LYPLA1: variants seen among roughly 807,000 people sequenced by gnomAD.
The protein encoded by LYPLA1 is lysophospholipase 1.
Under a neutral mutation model 34.0 loss-of-function variants are expected in LYPLA1, and 17 were observed. The observed-to-expected ratio is 0.50, with a 90% CI of 0.34 to 0.75. The LOEUF is 0.75. Ranked by LOEUF, LYPLA1 falls within the 30% of genes least tolerant of loss-of-function variation. LYPLA1 has a pLI of 0.01. For missense variants in LYPLA1, 203 were observed against 288.8 expected, an observed-to-expected ratio of 0.70 and a Z score of 2.15; for synonymous variants, 98 against 100.8, an observed-to-expected ratio of 0.97 and a Z score of 0.17.
chr8:54,076,414 GTA>G (rs1807909028), intron 2 of LYPLA1, among the ~76,000 whole-genome samples: 3 of 152,186 alleles, frequency 2.0e-5, no homozygotes, highest in Admixed American at 6.5e-5. Context: ...ATTTGTCTTT[GTA>G]TAGTCTGCAG....
At chr8:54,088,604 C>G (rs1469156153) in intron 2 of LYPLA1, among the ~76,000 whole-genome samples, 1 of 152,182 alleles carries the variant, frequency 6.6e-6, no homozygotes, top group Non-Finnish European at 1.5e-5. Context: ...AGCAATTTGA[C>G]TCCCAAGTAT....
intron 7 of LYPLA1, among the ~76,000 whole-genome samples, chr8:54,051,562 C>T (rs930099021): frequency 1.1e-4 from 16 of 152,038 alleles, no homozygotes; most frequent in African/African-American, 3.9e-4. Context: ...ATTCTCCTGC[C>T]TCAGCCTCCC....
intron 5 of LYPLA1, among the ~76,000 whole-genome samples, chr8:54,060,911 T>G (rs1806574941): frequency 6.6e-6 from 1 of 151,932 alleles, no homozygotes; most frequent in African/African-American, 2.4e-5. Context: ...GCCAGGCTGG[T>G]CTCAAACTCC....
chr8:54,094,457 C>T (rs1035038432), intron 2 of LYPLA1, among the ~76,000 whole-genome samples: 4 of 152,186 alleles, frequency 2.6e-5, no homozygotes, highest in Admixed American at 2.0e-4. Context: ...AGGTTCCTCA[C>T]GGAATTACAA....
Position 54,101,839 on chromosome 8 carries a change from A to T in LYPLA1, c.-16T>A. 1 of 1,254,172 alleles carries T rather than the reference A, an allele frequency of 8.0e-7. No individual in the cohort carries two copies. Among genetic ancestry groups the T allele is most frequent in the Non-Finnish European group, 1.0e-6 (1 of 988,984 alleles). 77.7% of individuals were successfully genotyped at this position (1,254,172 alleles called of 1,614,324 possible). A position where few individuals can be genotyped will look rare whatever the true frequency, so the allele number is the denominator to read the frequency against. On this transcript the variant is annotated 5_prime_UTR_variant, in exon 1 of 9. Coordinates refer to ENST00000316963, the MANE Select transcript of LYPLA1 (RefSeq NM_006330.4). Reference sequence around the variant, plus strand: ...TGCCGCACATACACCGCCTCAGCTCACAGCGCAAGCGGAAGGAAGAGCGGG... The same window carrying T: ...TGCCGCACATACACCGCCTCAGCTCTCAGCGCAAGCGGAAGGAAGAGCGGG...
At chr8:54,062,391 A>G (rs989413378) in intron 4 of LYPLA1, 67 bp from the exon 5 acceptor site, 3 of 892,958 alleles carry the variant, frequency 3.4e-6, no homozygotes, top group Non-Finnish European at 5.2e-6. Flanking sequence ...ATATTTTACT[A>G]CATTCATGGT....
At chr8:54,091,241 A>G (rs1809222792) in intron 2 of LYPLA1, among the ~76,000 whole-genome samples, 1 of 152,084 alleles carries the variant, frequency 6.6e-6, no homozygotes, top group Non-Finnish European at 1.5e-5. Flanking sequence ...TAATCCCAGC[A>G]CTTTGGGAGG....
At chr8:54,085,721 G>A (rs1040038741) in intron 2 of LYPLA1, among the ~76,000 whole-genome samples, 6 of 151,788 alleles carry the variant, frequency 4.0e-5, no homozygotes, top group African/African-American at 1.4e-4. Context: ...TGTCTGACAA[G>A]TGAGGAGCCC....
At chr8:54,100,808 T>C (rs1810074794) in intron 2 of LYPLA1, 100 bp downstream of exon 2, 9 of 947,742 alleles carry the variant, frequency 9.5e-6, no homozygotes, top group South Asian at 1.4e-5. Context: ...AATCTTAAAA[T>C]ACCATTTTAG....
chr8:54,074,915 C>T (rs934671108), intron 2 of LYPLA1, among the ~76,000 whole-genome samples: 4 of 152,166 alleles, frequency 2.6e-5, no homozygotes, highest in East Asian at 1.9e-4. Context: ...CAGTGTTTTG[C>T]GGTGATGGGC....
chr8:54,085,098 C>G (rs994546682), intron 2 of LYPLA1, among the ~76,000 whole-genome samples: 1 of 152,206 alleles, frequency 6.6e-6, no homozygotes, highest in African/African-American at 2.4e-5. Context: ...TGCAACCTCC[C>G]TGCCTGATTC....
chr8:54,096,357 G>A (rs1809682067), intron 2 of LYPLA1, among the ~76,000 whole-genome samples: 1 of 152,106 alleles, frequency 6.6e-6, no homozygotes, highest in Non-Finnish European at 1.5e-5. Context: ...TCCAGGGAGG[G>A]ACTGGGAGGC....
At chr8:54,085,975 G>A (rs1162602600) in intron 2 of LYPLA1, among the ~76,000 whole-genome samples, 8 of 152,272 alleles carry the variant, frequency 5.3e-5, no homozygotes, top group Admixed American at 2.0e-4. Context: ...TGACGATGGC[G>A]GTTTTGTCGA....
Position 54,053,486 on chromosome 8 carries a change from A to T in LYPLA1, c.361-730T>A, listed in dbSNP as rs566991808. The T allele has an allele frequency of 5.5e-3, 2,211 of 404,628 alleles. 45 individuals carry two copies. Among genetic ancestry groups the T allele is most frequent in the South Asian group, 0.027 (1,556 of 56,640 alleles). 25.1% of individuals were successfully genotyped at this position (404,628 alleles called of 1,614,324 possible). A position where few individuals can be genotyped will look rare whatever the true frequency, so the allele number is the denominator to read the frequency against. ...AGTATCTGCCTACCCAGCTCACAACATCCCACATTCTGGAAGCTGTACTCC... is the reference window on the plus strand; with the variant it reads ...AGTATCTGCCTACCCAGCTCACAACTTCCCACATTCTGGAAGCTGTACTCC... On this transcript the variant is annotated intron_variant, in intron 6 of 8. Transcript: ENST00000316963.
At position 54,052,665 on chromosome 8, in the gene LYPLA1, G is replaced by A; in HGVS notation, c.452C>T (p.Ser151Phe). Reference sequence around the variant, plus strand: ...CATCAACCAAGTTACCTGTGGAAAGGAAGCCCGAAGTGGAAGCCAGCAACT... The same window carrying A: ...CATCAACCAAGTTACCTGTGGAAAGAAAGCCCGAAGTGGAAGCCAGCAACT... ...ALSCWLPLRA[S>F]FPQGPIGGAN... Residue 151 changes from serine (S) to phenylalanine (F), a missense_variant, in exon 7 of 9, where the codon TCC becomes TTC. Coordinates refer to ENST00000316963, the MANE Select transcript of LYPLA1 (RefSeq NM_006330.4). 1 of 1,612,926 alleles carries A rather than the reference G, an allele frequency of 6.2e-7. No homozygotes were observed. The highest frequency in any genetic ancestry group is 8.5e-7 in the Non-Finnish European group (1 of 1,179,370).
chr8:54,073,296 C>T, intron 2 of LYPLA1: 2 of 892,956 alleles, frequency 2.2e-6, no homozygotes, highest in Non-Finnish European at 3.8e-6. Context: ...TCTGTGCCTG[C>T]CCCCTCTCCT....
downstream of LYPLA1, chr8:54,043,299 C>G (rs140265301): frequency 6.6e-6 from 1 of 151,780 alleles, no homozygotes; most frequent in African/African-American, 2.4e-5. Context: ...ATTTTTGAGA[C>G]GGAGTCTCGC....
At chr8:54,085,399 G>A (rs1271866009) in intron 2 of LYPLA1, among the ~76,000 whole-genome samples, 4 of 152,176 alleles carry the variant, frequency 2.6e-5, no homozygotes, top group Non-Finnish European at 4.4e-5. Flanking sequence ...GCCTCTGCAC[G>A]GCCGCCACCC....
At chr8:54,057,705 G>T (rs181800605) in intron 5 of LYPLA1, among the ~76,000 whole-genome samples, 22 of 152,022 alleles carry the variant, frequency 1.4e-4, no homozygotes, top group African/African-American at 4.8e-4. Context: ...CTAGTTAATG[G>T]GTACAAAAAA....
Sources: gnomAD v4.1 joint callset for allele counts (sites outside exome capture counted in the v4.1 genomes callset) on GRCh38, gnomAD v4.1.1 for gene constraint, MANE v1.5 for transcripts, NCBI Gene and HGNC (gene_info 2026-07-23, HGNC 2026-07-21) for gene names.